Variants in WIPF2 observed in about 807,000 individuals in gnomAD.
WIPF2 encodes WAS/WASL-interacting protein family member 2.
A neutral mutation model predicts 38.8 loss-of-function variants in WIPF2; 23 were observed. The observed-to-expected ratio is 0.59, with a 90% CI of 0.43 to 0.84. The LOEUF (loss-of-function observed/expected upper bound fraction) is 0.84. Ranked by LOEUF, WIPF2 falls within the 40% of genes least tolerant of loss-of-function variation. The pLI, the probability that WIPF2 is intolerant of heterozygous loss-of-function variation, is 0.00. For synonymous variants in WIPF2, 210 were observed against 223.2 expected, an observed-to-expected ratio of 0.94 and a Z score of 0.53; for missense variants, 574 against 580.5, an observed-to-expected ratio of 0.99 and a Z score of 0.11.
intron 1 of WIPF2, among the ~76,000 whole-genome samples, chr17:40,239,691 C>CTTTTTTTT (rs748169841): frequency 1.8e-4 from 19 of 107,152 alleles, no homozygotes; most frequent in East Asian, 2.7e-4. Context: ...TTCAGCTTTT[C>CTTTTTTTT]TTTTTTTTTT....
intron 4 of WIPF2, among the ~76,000 whole-genome samples, chr17:40,263,472 C>A (rs1320099011): frequency 1.3e-5 from 2 of 151,854 alleles, no homozygotes; most frequent in Non-Finnish European, 1.5e-5. Context: ...GGTTGGCGAC[C>A]CCTTATTATA....
At chr17:40,229,694 T>A (rs1268919449) in intron 1 of WIPF2, among the ~76,000 whole-genome samples, 1 of 152,178 alleles carries the variant, frequency 6.6e-6, no homozygotes, top group Non-Finnish European at 1.5e-5. Context: ...AGTGCTGGGA[T>A]TGTAGGTGTG....
chr17:40,278,536 G>A lies in WIPF2; in HGVS notation c.*311G>A. 1 of 378,188 alleles carries A rather than the reference G, an allele frequency of 2.6e-6. No homozygotes were observed. The highest frequency in any genetic ancestry group is 3.8e-5 in the South Asian group (1 of 26,080). 23.4% of individuals were successfully genotyped at this position (378,188 alleles called of 1,614,324 possible). ...TCCTCTTGGGGAAAGGTGCCTTGTT[G>A]TGATGAATTAACTCACTGTTAGGGC... On this transcript the variant is annotated 3_prime_UTR_variant, in exon 8 of 8. Coordinates refer to ENST00000323571, the MANE Select transcript of WIPF2 (RefSeq NM_133264.5).
At chr17:40,272,024 T>G (rs2032264922) in intron 5 of WIPF2, among the ~76,000 whole-genome samples, 1 of 147,830 alleles carries the variant, frequency 6.8e-6, no homozygotes, top group Admixed American at 6.7e-5. Flanking sequence ...AACATTTTCT[T>G]TTTTTTTTTT....
intron 1 of WIPF2, among the ~76,000 whole-genome samples, chr17:40,231,411 CTG>C (rs2030733128): frequency 6.7e-6 from 1 of 148,640 alleles, no homozygotes; most frequent in African/African-American, 2.5e-5. Context: ...TGACTGTTCT[CTG>C]TGCTTTTCTA....
Position 40,245,346 on chromosome 17 carries a change from CT to C in WIPF2, c.-69-11031del, listed in dbSNP as rs537431593. Among the ~76,000 whole-genome samples the C allele has an allele frequency of 5.4e-3, 781 of 143,392 alleles. 5 individuals are homozygous for C. The highest frequency in any genetic ancestry group is 0.012 in the African/African-American group (473 of 39,298). 94.1% of individuals were successfully genotyped at this position (143,392 alleles called of 152,430 possible). On this transcript the variant is annotated intron_variant, in intron 1 of 7. Transcript: ENST00000323571. ...TGTTGACAATGTAGACCAGATAATT[CT>C]TTTTTTTTTTTTTGAGATGGAGTCC...
chr17:40,275,570 T>G (rs1272293867), intron 6 of WIPF2, among the ~76,000 whole-genome samples: 2 of 107,008 alleles, frequency 1.9e-5, no homozygotes, highest in South Asian at 5.3e-4. Flanking sequence ...ACACTCTAGA[T>G]TTTTTTTTTT....
intron 2 of WIPF2, among the ~76,000 whole-genome samples, chr17:40,258,289 C>T (rs1567719399): frequency 6.6e-6 from 1 of 150,910 alleles, no homozygotes; most frequent in Non-Finnish European, 1.5e-5. Flanking sequence ...ATCCCAGCTG[C>T]TTGGGAGGCC....
rs1367223208 is a variant in WIPF2 at position 40,281,425 on chromosome 17, A to AT, written c.*3204dup. ...AAAGCACTTTGATATTCCAGGTGTG[A>AT]TTTTCTCTGTCATGGGGATTTGCTC... On this transcript the variant is annotated 3_prime_UTR_variant, in exon 8 of 8. Transcript: ENST00000323571. The AT allele has an allele frequency of 6.6e-6, 1 of 151,904 alleles. No individual in the cohort carries two copies. The highest frequency in any genetic ancestry group is 2.4e-5 in the African/African-American group (1 of 41,330). 9.4% of individuals were successfully genotyped at this position (151,904 alleles called of 1,614,324 possible).
At chr17:40,267,787 C>T (rs942662146) in intron 5 of WIPF2, among the ~76,000 whole-genome samples, 8 of 152,092 alleles carry the variant, frequency 5.3e-5, no homozygotes, top group African/African-American at 1.7e-4. Context: ...TGAGCCACTG[C>T]GCCCAGCCCT....
chr17:40,227,635 C>G (rs1015689838), intron 1 of WIPF2, among the ~76,000 whole-genome samples: 1 of 151,702 alleles, frequency 6.6e-6, no homozygotes. Context: ...GGCGGATCAC[C>G]TGAGGTCAGA....
chr17:40,246,783 G>A (rs187284071), intron 1 of WIPF2, among the ~76,000 whole-genome samples: 1,735 of 152,172 alleles, frequency 0.011, 29 homozygotes, highest in African/African-American at 0.039. Context: ...TAATGAGAGA[G>A]AACCCTAGAA....
At chr17:40,269,440 G>C (rs1438328364) in intron 5 of WIPF2, among the ~76,000 whole-genome samples, 1 of 151,472 alleles carries the variant, frequency 6.6e-6, no homozygotes, top group Non-Finnish European at 1.5e-5. Context: ...GAGCCCAGGA[G>C]GCAGAGGCTG....
intron 1 of WIPF2, chr17:40,220,604 TATATATATATATATGTATATATA>T (rs1567705835): frequency 2.5e-5 from 3 of 121,058 alleles, no homozygotes; most frequent in African/African-American, 1.1e-4. Context: ...TATATATATA[TATATATATATATATGTATATATA>T]TATATTTTTT....
Position 40,257,001 on chromosome 17 carries a change from C to G in WIPF2, c.63+479C>G, listed in dbSNP as rs540889374. 1.3e-3 allele frequency among the ~76,000 whole-genome samples: 203 copies of G among 150,840 alleles called. 1 individual carries two copies. Among genetic ancestry groups the G allele is most frequent in the African/African-American group, 4.8e-3 (197 of 41,106 alleles). On this transcript the variant is annotated intron_variant, in intron 2 of 7. Transcript: ENST00000323571. ...TGAGGATTCCTTTTTTTTTTTGAAA[C>G]GGAATCTCACTCTGTCGCCCAGGCT...
At chr17:40,257,778 C>T (rs996230362) in intron 2 of WIPF2, among the ~76,000 whole-genome samples, 5 of 149,864 alleles carry the variant, frequency 3.3e-5, no homozygotes, top group African/African-American at 1.2e-4. Context: ...AGGAAAGGAA[C>T]CTGTATGCAT....
chr17:40,237,992 G>A (rs2145310461), intron 1 of WIPF2, among the ~76,000 whole-genome samples: 1 of 150,552 alleles, frequency 6.6e-6, no homozygotes, highest in South Asian at 2.1e-4. Context: ...CTTGAACCCG[G>A]GAGGCGGAGG....
intron 6 of WIPF2, 71 bp from the exon 7 acceptor site, chr17:40,277,012 G>T: frequency 7.5e-7 from 1 of 1,338,728 alleles, no homozygotes; most frequent in Non-Finnish European, 1.0e-6. Flanking sequence ...AGTGGGGAGG[G>T]TCGAAGCGAT....
At chr17:40,260,809 T>C (rs774039109) in intron 3 of WIPF2, 142 bp downstream of exon 3, 1 of 1,146,742 alleles carries the variant, frequency 8.7e-7, no homozygotes, top group Non-Finnish European at 1.3e-6. Flanking sequence ...TATTCATTCT[T>C]CTGAACCTTA....
Sources: allele counts gnomAD v4.1 joint callset (sites outside exome capture counted in the v4.1 genomes callset), GRCh38; gene constraint gnomAD v4.1.1; transcripts MANE v1.5; gene names NCBI Gene and HGNC (gene_info 2026-07-23, HGNC 2026-07-21).